RGS6: variants seen among roughly 807,000 people sequenced by gnomAD.
The protein encoded by RGS6 is regulator of G-protein signaling 6.
RGS6 carries 30 observed loss-of-function variants against 78.5 expected under a neutral mutation model. The ratio of observed to expected loss-of-function variants is 0.38; its 90% confidence interval spans 0.29 to 0.52. The LOEUF (loss-of-function observed/expected upper bound fraction) is 0.52, where lower values mean the gene tolerates loss of function less well. Ranked by LOEUF, RGS6 falls within the 20% of genes least tolerant of loss-of-function variation. The pLI, the probability that RGS6 is intolerant of heterozygous loss-of-function variation, is 0.85. For synonymous variants in RGS6, 206 were observed against 206.0 expected, an observed-to-expected ratio of 1.00 and a Z score of 0.00; for missense variants, 495 against 609.7, an observed-to-expected ratio of 0.81 and a Z score of 1.98.
At chr14:72,520,136 G>A (rs990808635) in intron 15 of RGS6, among the ~76,000 whole-genome samples, 1 of 151,976 alleles carries the variant, frequency 6.6e-6, no homozygotes, top group Non-Finnish European at 1.5e-5. Context: ...CATTTCATCT[G>A]TAAACTTAGA....
At chr14:72,000,785 G>A (rs372595825) in intron 2 of RGS6, among the ~76,000 whole-genome samples, 6 of 152,180 alleles carry the variant, frequency 3.9e-5, no homozygotes, top group Admixed American at 3.3e-4. Context: ...TGGATTTGGT[G>A]ACCACATCTC....
At chr14:72,005,067 C>T (rs975625704) in intron 2 of RGS6, among the ~76,000 whole-genome samples, 1 of 152,030 alleles carries the variant, frequency 6.6e-6, no homozygotes, top group Non-Finnish European at 1.5e-5. Context: ...TTGTAATTGC[C>T]TGGGTCTTGC....
chr14:72,010,312 A>G (rs1330174498), intron 2 of RGS6, among the ~76,000 whole-genome samples: 1 of 152,152 alleles, frequency 6.6e-6, no homozygotes, highest in Non-Finnish European at 1.5e-5. Context: ...TTAACTTTCC[A>G]TTTTACATTG....
the RGS6 span, among the ~76,000 whole-genome samples, chr14:72,614,354 A>T: frequency 6.6e-6 from 1 of 152,168 alleles, no homozygotes; most frequent in Non-Finnish European, 1.5e-5. Context: ...TGGTATCCAA[A>T]AGCATACTTT....
chr14:71,935,859 G>T (rs895626043), intron 1 of RGS6, among the ~76,000 whole-genome samples: 6 of 151,526 alleles, frequency 4.0e-5, no homozygotes, highest in Non-Finnish European at 7.4e-5. Flanking sequence ...ACACCTGGGG[G>T]TCATCCTGGG....
chr14:72,155,538 A>G (rs943747593), intron 2 of RGS6, among the ~76,000 whole-genome samples: 3 of 152,188 alleles, frequency 2.0e-5, no homozygotes, highest in Non-Finnish European at 4.4e-5. Context: ...CCTGTTACCA[A>G]AGTGTCATGA....
At chr14:72,055,022 A>G (rs923651530) in intron 2 of RGS6, among the ~76,000 whole-genome samples, 3 of 152,332 alleles carry the variant, frequency 2.0e-5, no homozygotes, top group Middle Eastern at 3.4e-3. Flanking sequence ...TGATTTATCA[A>G]TACTCATGTC....
intron 2 of RGS6, among the ~76,000 whole-genome samples, chr14:72,275,716 C>T (rs1230903761): frequency 6.6e-6 from 1 of 152,214 alleles, no homozygotes; most frequent in African/African-American, 2.4e-5. Context: ...ACCAGTGTCT[C>T]TCGCTTATTT....
intron 2 of RGS6, among the ~76,000 whole-genome samples, chr14:72,152,708 G>T (rs1307625365): frequency 6.6e-6 from 1 of 152,168 alleles, no homozygotes; most frequent in Non-Finnish European, 1.5e-5. Flanking sequence ...GGCATATTTA[G>T]AAGTTATTAA....
At chr14:72,011,384 C>T (rs528037044) in intron 2 of RGS6, among the ~76,000 whole-genome samples, 11 of 152,122 alleles carry the variant, frequency 7.2e-5, no homozygotes, top group African/African-American at 1.2e-4. Flanking sequence ...TGAAAGCCTC[C>T]GATGACTGTT....
chr14:72,338,280 G>T (rs1042287891), intron 2 of RGS6, among the ~76,000 whole-genome samples: 2 of 152,238 alleles, frequency 1.3e-5, no homozygotes, highest in Admixed American at 6.5e-5. Context: ...GTTCCACGTG[G>T]TTGGGGAGGC....
intron 13 of RGS6, among the ~76,000 whole-genome samples, chr14:72,496,728 G>A (rs1288621403): frequency 6.6e-6 from 1 of 152,040 alleles, no homozygotes; most frequent in Non-Finnish European, 1.5e-5. Context: ...AGACGCTAAG[G>A]GTACCATGAG....
At chr14:72,599,474 T>C in the RGS6 span, among the ~76,000 whole-genome samples, 1 of 134,530 alleles carries the variant, frequency 7.4e-6, no homozygotes, top group Non-Finnish European at 1.5e-5. Flanking sequence ...ACTGGGGCAA[T>C]CTTGGCTCAC....
chr14:72,495,896 G>A (rs1345111757), intron 13 of RGS6, among the ~76,000 whole-genome samples: 1 of 152,180 alleles, frequency 6.6e-6, no homozygotes, highest in East Asian at 1.9e-4. Context: ...AGGAACCAAA[G>A]CCCAGAGGGA....
chr14:72,606,621 G>C, the RGS6 span, among the ~76,000 whole-genome samples: 1 of 152,190 alleles, frequency 6.6e-6, no homozygotes, highest in African/African-American at 2.4e-5. Flanking sequence ...CTCTGCGTTT[G>C]CTTGAACATA....
intron 1 of RGS6, among the ~76,000 whole-genome samples, chr14:71,950,188 G>T (rs1395335949): frequency 2.0e-5 from 3 of 152,198 alleles, no homozygotes; most frequent in African/African-American, 7.2e-5. Context: ...ATACTACAAA[G>T]TGACAGTCAC....
intron 15 of RGS6, among the ~76,000 whole-genome samples, chr14:72,523,286 C>T (rs2097074214): frequency 6.6e-6 from 1 of 152,138 alleles, no homozygotes. Flanking sequence ...GGCCAAGAGT[C>T]TGGGAGTTCC....
chr14:72,627,634 A>G, the RGS6 span, among the ~76,000 whole-genome samples: 2 of 151,946 alleles, frequency 1.3e-5, no homozygotes, highest in Non-Finnish European at 2.9e-5. Context: ...CTATTTTTGC[A>G]TGTTTGTTTC....
intron 2 of RGS6, among the ~76,000 whole-genome samples, chr14:72,282,257 C>T (rs533266035): frequency 6.6e-6 from 1 of 152,228 alleles, no homozygotes; most frequent in African/African-American, 2.4e-5. Flanking sequence ...TATACTTGAC[C>T]TTCATGTGAC....
Sources: allele counts gnomAD v4.1 joint callset (sites outside exome capture counted in the v4.1 genomes callset), GRCh38; gene constraint gnomAD v4.1.1; transcripts MANE v1.5; gene names NCBI Gene and HGNC (gene_info 2026-07-23, HGNC 2026-07-21).